DAB1: variants seen among roughly 807,000 people sequenced by gnomAD.
DAB1 encodes the protein disabled homolog 1.
Under a neutral mutation model 64.6 loss-of-function variants are expected in DAB1, and 15 were observed. The ratio of observed to expected loss-of-function variants is 0.23; its 90% CI spans 0.16 to 0.36. The LOEUF (loss-of-function observed/expected upper bound fraction) is 0.36, where lower values mean the gene tolerates loss of function less well. Ranked by LOEUF, DAB1 falls within the 10% of genes least tolerant of loss-of-function variation. The pLI, the probability that DAB1 is intolerant of heterozygous loss-of-function variation, is 1.00. For missense variants in DAB1, 596 were observed against 706.7 expected (o/e 0.84, Z 1.78); for synonymous variants, 235 against 251.9 (o/e 0.93, Z 0.64).
rs916216192 is a variant in DAB1 at position 57,331,560 on chromosome 1, C to G, written c.-136-40394G>C. On this transcript the variant is annotated intron_variant, in intron 1 of 14. Transcript: ENST00000371236. ...GCTCACTCAACATCTCTCCTGACAC[C>G]CTTCTCTTTAACCTTTGCCTTCTAT... Among the ~76,000 whole-genome samples, 3 of 152,130 alleles carry G rather than the reference C, an allele frequency of 2.0e-5. No individual in the cohort carries two copies. The South Asian group carries it at 6.2e-4, about 32-fold the overall frequency.
intron 2 of DAB1, among the ~76,000 whole-genome samples, chr1:57,193,698 A>G (rs994255171): frequency 3.3e-5 from 5 of 152,162 alleles, no homozygotes; most frequent in African/African-American, 7.2e-5. Context: ...TAAAGCACCA[A>G]TCAACTTTTT....
chr1:58,523,006 G>A lies in DAB1; in HGVS notation n.107+4255C>T, dbSNP rs569686057. ...ATGGAGATACTTTGTAATTTCTGTT[G>A]TAAAATAAGTCAAAAGTAGTCTTGA... On this transcript the variant is annotated intron_variant and non_coding_transcript_variant, in intron 2 of 20. Transcript: ENST00000485760. Among the ~76,000 whole-genome samples the A allele has an allele frequency of 5.9e-5, 9 of 152,232 alleles. No homozygotes were observed. In the South Asian group the frequency reaches 6.2e-4, roughly 11 times the overall value.
At chr1:58,000,384 G>A (rs1377810231) in intron 5 of DAB1, among the ~76,000 whole-genome samples, 1 of 152,124 alleles carries the variant, frequency 6.6e-6, no homozygotes, top group Non-Finnish European at 1.5e-5. Flanking sequence ...GTGACTTGCA[G>A]CTGCTGTATG....
chr1:57,677,600 C>A (rs1483741262), intron 6 of DAB1, among the ~76,000 whole-genome samples: 4 of 152,254 alleles, frequency 2.6e-5, no homozygotes, highest in South Asian at 2.1e-4. Flanking sequence ...GTTTTCCCCA[C>A]AAAACCATGC....
At chr1:57,721,435 C>T (rs1208549766) in intron 6 of DAB1, among the ~76,000 whole-genome samples, 1 of 152,186 alleles carries the variant, frequency 6.6e-6, no homozygotes, top group Non-Finnish European at 1.5e-5. Flanking sequence ...TTAGTATGCA[C>T]CAAGTACTAT....
chr1:58,046,370 C>T (rs532951062), intron 5 of DAB1, among the ~76,000 whole-genome samples: 2 of 152,242 alleles, frequency 1.3e-5, no homozygotes, highest in East Asian at 3.9e-4. Flanking sequence ...TTATATCGTC[C>T]AAATCATTTA....
In DAB1 at chr1:57,459,441, T is replaced by G. The variant is rs552286075; in HGVS notation, n.626-168275A>C. Among the ~76,000 whole-genome samples the G allele has an allele frequency of 1.6e-4, 25 of 152,332 alleles. No homozygotes were observed. The South Asian group carries it at 5.0e-3, about 30-fold the overall frequency. ...TATTTTTTATAATTTCCTTGGGATA[T>G]TCTCCAAAATTGTAAGTATTGTGTA... On this transcript the variant is annotated intron_variant and non_coding_transcript_variant, in intron 7 of 20. Coordinates refer to the DAB1 transcript ENST00000485760.
intron 2 of DAB1, among the ~76,000 whole-genome samples, chr1:57,274,140 A>T (rs527808300): frequency 6.6e-6 from 1 of 152,310 alleles, no homozygotes; most frequent in South Asian, 2.1e-4. Flanking sequence ...ATGGACTGAT[A>T]AAAGAAGATG....
intron 4 of DAB1, among the ~76,000 whole-genome samples, chr1:58,247,265 C>A (rs1018227909): frequency 2.5e-5 from 3 of 118,548 alleles, no homozygotes; most frequent in Admixed American, 9.7e-5. Context: ...ATTTCCCCCC[C>A]CGCCAGGTTA....
intron 3 of DAB1, among the ~76,000 whole-genome samples, chr1:58,504,101 T>A (rs1645949586): frequency 6.6e-6 from 1 of 152,188 alleles, no homozygotes; most frequent in South Asian, 2.1e-4. Context: ...CACACAATAA[T>A]GCCAGTGATC....
chr1:57,133,515 T>C (rs970139784), intron 4 of DAB1, among the ~76,000 whole-genome samples: 4 of 152,166 alleles, frequency 2.6e-5, no homozygotes, highest in Non-Finnish European at 5.9e-5. Context: ...ATTAGCAATA[T>C]CTAGGTATCT....
At chr1:58,071,795 G>A (rs1053589917) in intron 5 of DAB1, among the ~76,000 whole-genome samples, 1 of 152,056 alleles carries the variant, frequency 6.6e-6, no homozygotes, top group African/African-American at 2.4e-5. Flanking sequence ...GACTGGAAGG[G>A]ACCTGAATTC....
chr1:57,449,108 C>T (rs906197944), intron 7 of DAB1, among the ~76,000 whole-genome samples: 2 of 152,146 alleles, frequency 1.3e-5, no homozygotes, highest in African/African-American at 4.8e-5. Flanking sequence ...GCACAACTTG[C>T]CCCTGCCCGT....
chr1:58,041,649 A>G (rs1249692546), intron 5 of DAB1, among the ~76,000 whole-genome samples: 2 of 152,214 alleles, frequency 1.3e-5, no homozygotes, highest in African/African-American at 4.8e-5. Flanking sequence ...CAGAGTGCAG[A>G]TGCTTAAACG....
intron 5 of DAB1, among the ~76,000 whole-genome samples, chr1:58,001,751 G>T (rs918098996): frequency 4.6e-5 from 7 of 152,138 alleles, no homozygotes; most frequent in Non-Finnish European, 7.3e-5. Flanking sequence ...GGTCCCCAAA[G>T]ATGTCAGGTC....
chr1:57,068,992 G>T (rs1651193298), intron 8 of DAB1, among the ~76,000 whole-genome samples: 1 of 152,148 alleles, frequency 6.6e-6, no homozygotes, highest in Non-Finnish European at 1.5e-5. Context: ...TTTATTTTCA[G>T]TAGCGGAGTT....
At chr1:58,379,326 G>C (rs57774023) in intron 3 of DAB1, among the ~76,000 whole-genome samples, 14,183 of 152,210 alleles carry the variant, frequency 0.093, 668 homozygotes, top group Middle Eastern at 0.13. Flanking sequence ...AAATCATTTA[G>C]TAAATGTAGC....
chr1:57,686,813 A>G (rs1646702545), intron 6 of DAB1, among the ~76,000 whole-genome samples: 1 of 152,230 alleles, frequency 6.6e-6, no homozygotes, highest in Non-Finnish European at 1.5e-5. Flanking sequence ...GATCATCTCA[A>G]TAGATGCAGA....
At chr1:57,272,102 G>A (rs77066665) in intron 2 of DAB1, among the ~76,000 whole-genome samples, 50 of 152,288 alleles carry the variant, frequency 3.3e-4, no homozygotes, top group African/African-American at 1.1e-3. Context: ...AGATGTTGGC[G>A]TTTGATTTTC....
Sources: allele counts gnomAD v4.1 joint callset (sites outside exome capture counted in the v4.1 genomes callset), GRCh38; gene constraint gnomAD v4.1.1; transcripts MANE v1.5; gene names NCBI Gene and HGNC (gene_info 2026-07-23, HGNC 2026-07-21).